Variants in ROBO1 observed in about 807,000 individuals in gnomAD.
The protein encoded by ROBO1 is roundabout homolog 1.
ROBO1 carries 149 observed loss-of-function variants against 195.9 expected under a neutral mutation model. The observed-to-expected ratio is 0.76, with a 90% confidence interval of 0.67 to 0.87. The LOEUF is 0.87. Ranked by LOEUF, ROBO1 falls within the 40% of genes least tolerant of loss-of-function variation. The pLI is 0.00. For missense variants in ROBO1, 1,933 were observed against 2,068.3 expected (o/e 0.93, Z 1.27); for synonymous variants, 816 against 733.2 (o/e 1.11, Z -1.82).
chr3:78,698,500 C>T (rs2081350345), intron 8 of ROBO1, among the ~76,000 whole-genome samples: 1 of 152,262 alleles, frequency 6.6e-6, no homozygotes, highest in Admixed American at 6.5e-5. Flanking sequence ...TTCACCTCCT[C>T]TTAAATATCT....
intron 1 of ROBO1, among the ~76,000 whole-genome samples, chr3:79,738,471 A>G (rs1703483876): frequency 1.3e-5 from 2 of 152,178 alleles, no homozygotes; most frequent in Admixed American, 1.3e-4. Context: ...AGTCATGCTG[A>G]GCTTATTCAC....
Position 79,664,981 on chromosome 3 carries a change from A to G in ROBO1, c.-50-75020T>C, listed in dbSNP as rs114068998. On this transcript the variant is annotated intron_variant, in intron 1 of 30. Coordinates refer to ENST00000464233, the MANE Select transcript of ROBO1 (RefSeq NM_002941.4). ...TTAATAAACATTATTTTGCATATAT[A>G]TTAATATTAGTTTGATTTTCTTACT... Among the ~76,000 whole-genome samples, 812 of 152,120 alleles carry G rather than the reference A, an allele frequency of 5.3e-3. 6 individuals carry two copies. The highest frequency in any genetic ancestry group is 0.018 in the African/African-American group (767 of 41,542).
chr3:78,603,563 A>G (rs1266017790), intron 29 of ROBO1, among the ~76,000 whole-genome samples: 1 of 152,196 alleles, frequency 6.6e-6, no homozygotes, highest in African/African-American at 2.4e-5. Flanking sequence ...TGATATATGT[A>G]GAAATAAATT....
intron 3 of ROBO1, among the ~76,000 whole-genome samples, chr3:78,950,202 A>G (rs2040695104): frequency 6.6e-6 from 1 of 152,160 alleles, no homozygotes; most frequent in Admixed American, 6.6e-5. Flanking sequence ...CTATAAAGAC[A>G]CATGCACACG....
intron 3 of ROBO1, among the ~76,000 whole-genome samples, chr3:78,976,921 T>C (rs1352584881): frequency 6.6e-6 from 1 of 152,172 alleles, no homozygotes. Flanking sequence ...CAAACCTACG[T>C]ATTACCTCCT....
chr3:79,378,885 C>T (rs1438352437), intron 2 of ROBO1, among the ~76,000 whole-genome samples: 2 of 152,202 alleles, frequency 1.3e-5, no homozygotes, highest in Non-Finnish European at 2.9e-5. Flanking sequence ...CCGCCTCTTC[C>T]TGTGTAACCC....
intron 1 of ROBO1, among the ~76,000 whole-genome samples, chr3:79,595,893 G>A (rs1194209414): frequency 6.6e-6 from 1 of 151,838 alleles, no homozygotes; most frequent in Non-Finnish European, 1.5e-5. Flanking sequence ...GTGGCTTGTA[G>A]AGTAAATTGC....
Position 79,043,814 on chromosome 3 carries a change from G to A in ROBO1, c.172+81642C>T, listed in dbSNP as rs576239814. Among the ~76,000 whole-genome samples, 11 of 152,166 alleles carry A rather than the reference G, an allele frequency of 7.2e-5. No individual in the cohort carries two copies. In the East Asian group the frequency reaches 2.1e-3, roughly 29 times the overall value. On this transcript the variant is annotated intron_variant, in intron 3 of 30. Coordinates refer to ENST00000464233, the MANE Select transcript of ROBO1 (RefSeq NM_002941.4). ...TTACAAATTCCAAAGTTAAATGCAA[G>A]GTAATATTTTCAGGGCAAGATTTGC...
At chr3:79,722,911 A>G (rs1404715787) in intron 1 of ROBO1, among the ~76,000 whole-genome samples, 1 of 152,176 alleles carries the variant, frequency 6.6e-6, no homozygotes, top group East Asian at 1.9e-4. Flanking sequence ...GAGAATAGGT[A>G]CCAGTGACTT....
intron 3 of ROBO1, among the ~76,000 whole-genome samples, chr3:79,089,938 TC>T (rs1241285636): frequency 3.6e-4 from 1 of 2,812 alleles, no homozygotes; most frequent in Non-Finnish European, 3.9e-3. Context: ...AGTTATTCTT[TC>T]TTTTTTTTTT....
At chr3:79,307,281 C>G (rs1386676904) in intron 2 of ROBO1, among the ~76,000 whole-genome samples, 1 of 151,918 alleles carries the variant, frequency 6.6e-6, no homozygotes, top group Non-Finnish European at 1.5e-5. Context: ...AGACATTATC[C>G]ATTTACAGGC....
intron 2 of ROBO1, among the ~76,000 whole-genome samples, chr3:79,478,881 T>C (rs1350893631): frequency 1.3e-5 from 2 of 152,158 alleles, no homozygotes; most frequent in Non-Finnish European, 2.9e-5. Context: ...AATGGAGCAA[T>C]TCCTGACTTG....
intron 4 of ROBO1, among the ~76,000 whole-genome samples, chr3:78,808,952 C>T (rs1413574304): frequency 6.6e-6 from 1 of 152,096 alleles, no homozygotes; most frequent in Non-Finnish European, 1.5e-5. Flanking sequence ...GACTTCATGA[C>T]TAAAACACCA....
chr3:78,621,776 A>T lies in ROBO1; in HGVS notation c.3876-3735T>A, dbSNP rs186429900. 1.3e-3 allele frequency among the ~76,000 whole-genome samples: 199 copies of T among 152,320 alleles called. 2 individuals carry two copies. Among genetic ancestry groups the T allele is most frequent in the African/African-American group, 4.6e-3 (192 of 41,576 alleles). On this transcript the variant is annotated intron_variant, in intron 26 of 30. Coordinates refer to ENST00000464233, the MANE Select transcript of ROBO1 (RefSeq NM_002941.4). Reference sequence around the variant, plus strand: ...CGCAACACTCTAGTCTCCTGCAAGAATGATGCCTTCATAAACATGTTCAAG... The same window carrying T: ...CGCAACACTCTAGTCTCCTGCAAGATTGATGCCTTCATAAACATGTTCAAG...
At chr3:79,280,388 T>C (rs1387322505) in intron 2 of ROBO1, among the ~76,000 whole-genome samples, 1 of 152,150 alleles carries the variant, frequency 6.6e-6, no homozygotes, top group East Asian at 1.9e-4. Context: ...AATCTAAGTA[T>C]GAAGGTTTAC....
At chr3:78,857,079 A>T (rs1258191920) in intron 4 of ROBO1, among the ~76,000 whole-genome samples, 1 of 152,168 alleles carries the variant, frequency 6.6e-6, no homozygotes, top group African/African-American at 2.4e-5. Flanking sequence ...CAACAATTAG[A>T]GCTCTGATGA....
intron 1 of ROBO1, among the ~76,000 whole-genome samples, chr3:79,598,360 G>C (rs1434782318): frequency 6.6e-6 from 1 of 151,976 alleles, no homozygotes; most frequent in Admixed American, 6.6e-5. Flanking sequence ...TTCAGGAAAA[G>C]TAGCATTTTG....
intron 4 of ROBO1, among the ~76,000 whole-genome samples, chr3:78,883,374 A>G (rs1576340405): frequency 6.6e-6 from 1 of 152,090 alleles, no homozygotes; most frequent in South Asian, 2.1e-4. Flanking sequence ...TTTGTCTTCA[A>G]CCACATGAGA....
chr3:79,480,694 A>T (rs1938794038), intron 2 of ROBO1, among the ~76,000 whole-genome samples: 1 of 152,160 alleles, frequency 6.6e-6, no homozygotes, highest in Non-Finnish European at 1.5e-5. Context: ...TTCAAAACTT[A>T]AAACTGCAAA....
Sources: gnomAD v4.1 joint callset for allele counts (sites outside exome capture counted in the v4.1 genomes callset) on GRCh38, gnomAD v4.1.1 for gene constraint, MANE v1.5 for transcripts, NCBI Gene and HGNC (gene_info 2026-07-23, HGNC 2026-07-21) for gene names.